STOX2: variants seen among roughly 807,000 people sequenced by gnomAD.
STOX2 encodes storkhead-box protein 2.
STOX2 carries 28 observed loss-of-function variants against 60.9 expected under a neutral mutation model. The observed-to-expected ratio is 0.46, with a 90% CI of 0.34 to 0.63. The LOEUF (loss-of-function observed/expected upper bound fraction) is 0.63. Ranked by LOEUF, STOX2 falls within the 30% of genes least tolerant of loss-of-function variation. STOX2 has a pLI of 0.01. For synonymous variants in STOX2, 472 were observed against 463.9 expected, an observed-to-expected ratio of 1.02 and a Z score of -0.22; for missense variants, 1,024 against 1,187.7, an observed-to-expected ratio of 0.86 and a Z score of 2.03.
chr4:183,887,622 A>T (rs1407660547), intron 1 of STOX2, among the ~76,000 whole-genome samples: 4 of 152,190 alleles, frequency 2.6e-5, no homozygotes. Context: ...TCTGTTTCCC[A>T]TTTTGCCTTG....
chr4:183,908,140 G>A (rs1308949252), intron 1 of STOX2, among the ~76,000 whole-genome samples: 2 of 152,180 alleles, frequency 1.3e-5, no homozygotes, highest in Admixed American at 1.3e-4. Flanking sequence ...CGAAATAAAA[G>A]AACCATCTTT....
At chr4:183,886,349 G>T (rs912388702) in intron 1 of STOX2, among the ~76,000 whole-genome samples, 1 of 44,008 alleles carries the variant, frequency 2.3e-5, no homozygotes, top group African/African-American at 4.4e-5. Flanking sequence ...ACAACAGAAA[G>T]GGGGGGGAAT....
At chr4:183,994,821 A>G (rs1270946635) in intron 1 of STOX2, among the ~76,000 whole-genome samples, 2 of 152,222 alleles carry the variant, frequency 1.3e-5, no homozygotes, top group African/African-American at 2.4e-5. Context: ...CAAGAATTTC[A>G]TTAATGTCAA....
intron 1 of STOX2, among the ~76,000 whole-genome samples, chr4:183,847,618 G>A (rs1228271211): frequency 6.6e-6 from 1 of 152,200 alleles, no homozygotes; most frequent in East Asian, 1.9e-4. Flanking sequence ...GTGGGTTGCT[G>A]TCTTCAAGAC....
In STOX2 at chr4:184,009,876, A is replaced by C. The variant is rs1470488151; in HGVS notation, c.1038A>C (p.Lys346Asn). 6.2e-7 allele frequency: 1 copy of C among 1,612,032 alleles called. No homozygotes were observed. The highest frequency in any genetic ancestry group is 1.7e-5 in the Admixed American group (1 of 59,826). Residue 346 changes from lysine (K) to asparagine (N), a missense_variant, in exon 3 of 4, where the codon AAA becomes AAC. Coordinates refer to ENST00000308497, the MANE Select transcript of STOX2 (RefSeq NM_020225.3). The surrounding 1 kb of genome is among the most constrained non-coding windows in gnomAD (Gnocchi z 4.0). ...AAGAAGAAAAGGCCCAGAGGAGTAA[A>C]GCCGGGTCCTCTGCCCATCACAGCG... Reference protein sequence around the residue: ...KLEEEKAQRSKAGSSAHHSGR... With the variant: ...KLEEEKAQRSNAGSSAHHSGR...
At position 184,009,927 on chromosome 4, in the gene STOX2, T is replaced by A; in HGVS notation, c.1089T>A (p.His363Gln). ...GAAGGAGTAAAAAGAGTAGGACTCATCGGAAGTCCCATGGAAAGTCTCGGT... is the reference window on the plus strand; with the variant it reads ...GAAGGAGTAAAAAGAGTAGGACTCAACGGAAGTCCCATGGAAAGTCTCGGT... ...HSGRSKKSRT[H>Q]RKSHGKSRSH... is the part of the protein sequence containing the mutation. Residue 363 changes from histidine (H) to glutamine (Q), a missense_variant, in exon 3 of 4, where the codon CAT becomes CAA. His to Gln is a conservative substitution (Grantham distance 24, BLOSUM62 0). Transcript: ENST00000308497. This position sits in a 1 kb window ranked among gnomAD's most constrained non-coding sequence, Gnocchi z 4.0. 3.1e-6 allele frequency: 5 copies of A among 1,613,180 alleles called. No homozygotes were observed. Among genetic ancestry groups the A allele is most frequent in the Non-Finnish European group, 4.2e-6 (5 of 1,179,570 alleles).
At chr4:183,890,944 CAAA>C (rs1211424772) in intron 1 of STOX2, among the ~76,000 whole-genome samples, 1 of 151,858 alleles carries the variant, frequency 6.6e-6, no homozygotes, top group South Asian at 2.1e-4. Context: ...CCCATCTCTA[CAAA>C]AAAATTTTAA....
intron 1 of STOX2, among the ~76,000 whole-genome samples, chr4:183,830,875 T>A (rs1192609950): frequency 6.6e-6 from 1 of 152,060 alleles, no homozygotes; most frequent in Middle Eastern, 3.4e-3. Flanking sequence ...TTTCAGAGGT[T>A]GTAACAGGCA....
At chr4:183,887,356 C>G (rs1741108383) in intron 1 of STOX2, among the ~76,000 whole-genome samples, 1 of 152,106 alleles carries the variant, frequency 6.6e-6, no homozygotes, top group Non-Finnish European at 1.5e-5. Flanking sequence ...TCAATTTAGG[C>G]CGTTATAAAT....
chr4:183,798,515 G>A, intron 1 of STOX2: 1 of 614,406 alleles, frequency 1.6e-6, no homozygotes, highest in Non-Finnish European at 2.0e-6. Context: ...GGTGCGCCCG[G>A]GACGCCCTTC....
chr4:183,955,610 CCT>C lies in STOX2; in HGVS notation c.167-45712_167-45711del, dbSNP rs1027254536. 1.7e-4 allele frequency among the ~76,000 whole-genome samples: 26 copies of C among 152,274 alleles called. 1 individual carries two copies. In the East Asian group the frequency reaches 3.1e-3, roughly 18 times the overall value. On this transcript the variant is annotated intron_variant, in intron 1 of 3. Transcript: ENST00000308497. ...TCTTTTCACCATTCCTGTGTTGGATCCTCTGTCTTCTAGGCCCCATGTCTTCC... is the reference window on the plus strand; with the variant it reads ...TCTTTTCACCATTCCTGTGTTGGATCCTGTCTTCTAGGCCCCATGTCTTCC...
chr4:183,828,864 A>G (rs1028853316), intron 1 of STOX2, among the ~76,000 whole-genome samples: 1 of 152,208 alleles, frequency 6.6e-6, no homozygotes, highest in Non-Finnish European at 1.5e-5. Flanking sequence ...CCAAGATCAC[A>G]CTTTAAAACT....
chr4:183,840,420 AG>A (rs1739829783), intron 1 of STOX2, among the ~76,000 whole-genome samples: 1 of 152,206 alleles, frequency 6.6e-6, no homozygotes, highest in African/African-American at 2.4e-5. Context: ...GTTGGCCACC[AG>A]GGGGCAAGCG....
chr4:183,940,034 C>T (rs1482398686), intron 1 of STOX2, among the ~76,000 whole-genome samples: 2 of 152,144 alleles, frequency 1.3e-5, no homozygotes, highest in Non-Finnish European at 2.9e-5. Context: ...CTCCTGAGTA[C>T]TGGAATTACA....
rs573430941 is a variant in STOX2 at position 183,974,104 on chromosome 4, A to G, written c.167-27221A>G. Among the ~76,000 whole-genome samples the G allele has an allele frequency of 3.3e-5, 5 of 152,368 alleles. No homozygotes were observed. In the South Asian group the frequency reaches 1.0e-3, roughly 32 times the overall value. On this transcript the variant is annotated intron_variant, in intron 1 of 3. Transcript: ENST00000308497. ...TGTAAGATAAAGAGAAGAGGTTAAA[A>G]GGACTAAAATGATGGTAAGATTTAC...
intron 3 of STOX2, among the ~76,000 whole-genome samples, chr4:184,012,291 T>C (rs1314903056): frequency 6.6e-6 from 1 of 152,202 alleles, no homozygotes; most frequent in Non-Finnish European, 1.5e-5. Flanking sequence ...GACCTAATTC[T>C]CTTTCTAACT....
intron 1 of STOX2, among the ~76,000 whole-genome samples, chr4:183,805,458 T>G (rs539185827): frequency 6.6e-6 from 1 of 152,320 alleles, no homozygotes; most frequent in South Asian, 2.1e-4. Context: ...TATACTATAA[T>G]AATAGCTAGA....
chr4:183,967,332 C>T (rs1743604832), intron 1 of STOX2, among the ~76,000 whole-genome samples: 1 of 149,952 alleles, frequency 6.7e-6, no homozygotes, highest in African/African-American at 2.5e-5. Flanking sequence ...TGCCATTGCA[C>T]TCCAGCCTGG....
chr4:183,871,672 T>G (rs926541907), intron 1 of STOX2, among the ~76,000 whole-genome samples: 5 of 152,166 alleles, frequency 3.3e-5, no homozygotes, highest in African/African-American at 1.2e-4. Context: ...TTATTATTAT[T>G]TTTTTACTTT....
Sources: gnomAD v4.1 joint callset for allele counts (sites outside exome capture counted in the v4.1 genomes callset) on GRCh38, gnomAD v4.1.1 for gene constraint, Gnocchi (gnomAD v3.1) non-coding constraint, MANE v1.5 for transcripts, NCBI Gene and HGNC (gene_info 2026-07-23, HGNC 2026-07-21) for gene names.